Variants in SYN3 observed in about 807,000 individuals in gnomAD.
SYN3 encodes synapsin-3.
Under a neutral mutation model 65.8 loss-of-function variants are expected in SYN3, and 35 were observed. The observed-to-expected ratio is 0.53, with a 90% CI of 0.41 to 0.70. The LOEUF is 0.70. SYN3 is among the 30% of genes least tolerant of loss of function. The probability of loss-of-function intolerance (pLI) is 0.00; values close to 1 mark genes in which losing one functional copy is unlikely to be tolerated. For synonymous variants in SYN3, 270 were observed against 292.9 expected (o/e 0.92, Z 0.80); for missense variants, 680 against 749.0 (o/e 0.91, Z 1.08).
intron 6 of SYN3, among the ~76,000 whole-genome samples, chr22:32,778,794 ATT>A (rs2045967799): frequency 4.6e-5 from 7 of 152,210 alleles, no homozygotes. Flanking sequence ...ACATACCTTA[ATT>A]TGTTTCTTAA....
intron 6 of SYN3, among the ~76,000 whole-genome samples, chr22:32,654,596 G>A (rs964304931): frequency 2.0e-5 from 3 of 152,148 alleles, no homozygotes; most frequent in East Asian, 3.9e-4. Context: ...TCTCCACACC[G>A]AGATCTCATT....
chr22:32,834,133 G>C (rs539245293), intron 6 of SYN3, among the ~76,000 whole-genome samples: 1 of 151,798 alleles, frequency 6.6e-6, no homozygotes, highest in African/African-American at 2.4e-5. Flanking sequence ...TTGGAGGTGT[G>C]CTTCAGGGAC....
intron 6 of SYN3, among the ~76,000 whole-genome samples, chr22:32,648,599 G>A (rs1184063678): frequency 1.3e-5 from 2 of 152,174 alleles, no homozygotes; most frequent in African/African-American, 2.4e-5. Flanking sequence ...ATCTGCATTT[G>A]AGACTTGGCA....
rs138736001 is a variant in SYN3 at position 32,933,291 on chromosome 22, T to G, written c.370-1810A>C. On this transcript the variant is annotated intron_variant, in intron 3 of 13. Coordinates refer to ENST00000358763, the MANE Select transcript of SYN3 (RefSeq NM_003490.4). ...TACCGGCCTAAGCATTTTACACATA[T>G]GAATTCATTTAATCCTCATGCTTGT... Among the ~76,000 whole-genome samples, 9 of 152,304 alleles carry G rather than the reference T, an allele frequency of 5.9e-5. No homozygotes were observed. The East Asian group carries it at 1.5e-3, about 26-fold the overall frequency.
At chr22:32,656,031 T>TTG (rs2146974117) in intron 6 of SYN3, among the ~76,000 whole-genome samples, 1 of 152,298 alleles carries the variant, frequency 6.6e-6, no homozygotes, top group Non-Finnish European at 1.5e-5. Flanking sequence ...TGCAGGATTA[T>TTG]TGTGAAAATG....
chr22:32,543,963 AG>A (rs2058298713), intron 7 of SYN3, among the ~76,000 whole-genome samples: 1 of 152,198 alleles, frequency 6.6e-6, no homozygotes, highest in Non-Finnish European at 1.5e-5. Context: ...TTTCTGAGAC[AG>A]GGTCTCAATA....
chr22:32,776,190 G>A (rs137969267), intron 6 of SYN3, among the ~76,000 whole-genome samples: 2 of 152,292 alleles, frequency 1.3e-5, no homozygotes, highest in East Asian at 1.9e-4. Context: ...CTCCCCTAGA[G>A]CCTCTAGAGG....
intron 6 of SYN3, among the ~76,000 whole-genome samples, chr22:32,792,660 C>G (rs1198389594): frequency 1.4e-4 from 22 of 152,190 alleles, no homozygotes. Flanking sequence ...CTTCTCCTGC[C>G]TTCTCTCCAT....
chr22:32,833,485 A>G (rs1387432309), intron 6 of SYN3, among the ~76,000 whole-genome samples: 3 of 152,360 alleles, frequency 2.0e-5, no homozygotes, highest in East Asian at 3.9e-4. Context: ...ATGGTTGCAC[A>G]CTGGGCAGTT....
chr22:32,556,076 TG>T (rs1326447389), intron 7 of SYN3, among the ~76,000 whole-genome samples: 1 of 152,214 alleles, frequency 6.6e-6, no homozygotes, highest in Non-Finnish European at 1.5e-5. Context: ...CAAGCCTTCT[TG>T]GTTTATGGTG....
At chr22:32,608,696 A>G (rs1328903920) in intron 6 of SYN3, among the ~76,000 whole-genome samples, 1 of 152,194 alleles carries the variant, frequency 6.6e-6, no homozygotes, top group East Asian at 1.9e-4. Flanking sequence ...TATCATTAGC[A>G]TCAGTTCCTA....
At chr22:32,610,396 C>T (rs1189980485) in intron 6 of SYN3, among the ~76,000 whole-genome samples, 1 of 152,152 alleles carries the variant, frequency 6.6e-6, no homozygotes, top group African/African-American at 2.4e-5. Context: ...AAAAGAAACT[C>T]GGTACATAGT....
At chr22:32,597,456 T>C (rs1050220924) in intron 6 of SYN3, among the ~76,000 whole-genome samples, 2 of 152,104 alleles carry the variant, frequency 1.3e-5, no homozygotes, top group African/African-American at 4.8e-5. Flanking sequence ...CCTCAGGGGA[T>C]CCGCCTGCCT....
intron 4 of SYN3, among the ~76,000 whole-genome samples, chr22:32,922,628 C>T (rs1170996344): frequency 6.6e-6 from 1 of 152,016 alleles, no homozygotes. Flanking sequence ...TGGCTTCATT[C>T]TTGGCAGATT....
intron 6 of SYN3, among the ~76,000 whole-genome samples, chr22:32,843,070 G>C (rs1176456817): frequency 6.6e-6 from 1 of 152,042 alleles, no homozygotes; most frequent in Non-Finnish European, 1.5e-5. Flanking sequence ...TGCTGTCCTG[G>C]GGGACCTCCC....
chr22:32,682,243 C>G (rs1403143934), intron 6 of SYN3, among the ~76,000 whole-genome samples: 1 of 152,170 alleles, frequency 6.6e-6, no homozygotes, highest in East Asian at 1.9e-4. Flanking sequence ...AAACATCCTA[C>G]AATGCACAAG....
chr22:33,035,960 T>G (rs2053851874), intron 1 of SYN3, among the ~76,000 whole-genome samples: 1 of 152,142 alleles, frequency 6.6e-6, no homozygotes. Flanking sequence ...CAGGACAAAG[T>G]CAAGACTCAT....
intron 6 of SYN3, among the ~76,000 whole-genome samples, chr22:32,838,759 G>A (rs563110533): frequency 1.9e-4 from 29 of 151,922 alleles, no homozygotes; most frequent in African/African-American, 3.6e-4. Flanking sequence ...AACCATCCCC[G>A]TCTTCGTTAT....
chr22:32,943,790 T>G (rs1238620808), intron 3 of SYN3, among the ~76,000 whole-genome samples: 1 of 151,790 alleles, frequency 6.6e-6, no homozygotes. Context: ...AAGGCAGGGG[T>G]TGCAATCCTA....
Sources: gnomAD v4.1 joint callset for allele counts (sites outside exome capture counted in the v4.1 genomes callset) on GRCh38, gnomAD v4.1.1 for gene constraint, MANE v1.5 for transcripts, NCBI Gene and HGNC (gene_info 2026-07-23, HGNC 2026-07-21) for gene names.